Variants in DOCK11 observed in about 807,000 individuals in gnomAD.
DOCK11 encodes the protein dedicator of cytokinesis 11.
A neutral mutation model predicts 169.1 loss-of-function variants in DOCK11; 70 were observed. That is an observed-to-expected ratio of 0.41 (90% CI 0.34 to 0.51). The LOEUF (loss-of-function observed/expected upper bound fraction) is 0.51, where lower values mean the gene tolerates loss of function less well. Among genes scored for constraint, DOCK11 ranks in the 20% least tolerant of loss-of-function variants. DOCK11 has a pLI of 0.10. For synonymous variants in DOCK11, 529 were observed against 541.3 expected, an observed-to-expected ratio of 0.98 and a Z score of 0.32; for missense variants, 1,166 against 1,538.8, an observed-to-expected ratio of 0.76 and a Z score of 4.05.
chrX:118,670,452 C>T (rs944516492), intron 45 of DOCK11, among the ~76,000 whole-genome samples: 5 of 111,498 alleles, frequency 4.5e-5, no homozygotes, highest in African/African-American at 6.5e-5. Context: ...CTATCATTCT[C>T]AGTAATTTTA....
In DOCK11 at chrX:118,681,143, T is replaced by G. The variant is rs2016733674; in HGVS notation, c.5757T>G (p.Thr1919=). ...QINLKPIDVA[T]DEIKDKTAEL... is the part of the protein sequence containing the mutation. Reference sequence around the variant, plus strand: ...ATTTAAAACCAATTGATGTTGCCACTGATGAAATAAAAGATAAAACTGCAG... The same window carrying G: ...ATTTAAAACCAATTGATGTTGCCACGGATGAAATAAAAGATAAAACTGCAG... Residue 1919 remains threonine (T), a synonymous_variant, in exon 50 of 53, where the codon ACT becomes ACG. Transcript: ENST00000276202. 5 of 1,207,492 alleles carry G rather than the reference T, an allele frequency of 4.1e-6. No individual in the cohort carries two copies. The highest frequency in any genetic ancestry group is 3.5e-5 in the African/African-American group (2 of 57,365).
intron 19 of DOCK11, among the ~76,000 whole-genome samples, chrX:118,592,211 G>A (rs184722773): frequency 9.1e-5 from 10 of 110,399 alleles, no homozygotes; most frequent in African/African-American, 3.3e-4. Flanking sequence ...TCACCTCACC[G>A]ACTTCCACAA....
chrX:118,642,181 C>T (rs1324333305), intron 39 of DOCK11, among the ~76,000 whole-genome samples: 1 of 112,120 alleles, frequency 8.9e-6, no homozygotes, highest in African/African-American at 3.2e-5. Context: ...GCCATTAGAT[C>T]TCATGATGTA....
rs202159723 is a variant in DOCK11, at chrX:118,610,257, C to T, written c.2950-15C>T. ...TTTGGAAGTCTGACTTTTTTCTGTGCCTATTTCATTTCAGCTTCCCCGAGG... is the reference window on the plus strand; with the variant it reads ...TTTGGAAGTCTGACTTTTTTCTGTGTCTATTTCATTTCAGCTTCCCCGAGG... On this transcript the variant is annotated splice_polypyrimidine_tract_variant and intron_variant, in intron 27 of 52. Transcript: ENST00000276202. 395 of 1,207,873 alleles carry T rather than the reference C, an allele frequency of 3.3e-4. 2 individuals are homozygous for T. In the African/African-American group the frequency reaches 5.8e-3, roughly 18 times the overall value.
At chrX:118,502,681 C>A (rs1227251318) in intron 1 of DOCK11, among the ~76,000 whole-genome samples, 1 of 111,570 alleles carries the variant, frequency 9.0e-6, no homozygotes, top group African/African-American at 3.3e-5. Flanking sequence ...TTGTGGAGTT[C>A]TTGGGAATAA....
intron 7 of DOCK11, among the ~76,000 whole-genome samples, chrX:118,564,899 A>G (rs1226647601): frequency 9.1e-6 from 1 of 109,913 alleles, no homozygotes; most frequent in Admixed American, 9.8e-5. Context: ...TGCTGGGATT[A>G]CATGCATAAA....
At chrX:118,648,585 A>G (rs2015864115) in intron 40 of DOCK11, among the ~76,000 whole-genome samples, 1 of 75,074 alleles carries the variant, frequency 1.3e-5, no homozygotes, top group South Asian at 4.1e-4. Flanking sequence ...ATATATAAAT[A>G]TATAATATAT....
intron 44 of DOCK11, among the ~76,000 whole-genome samples, chrX:118,657,876 GC>G (rs2016115796): frequency 2.7e-5 from 3 of 109,941 alleles, no homozygotes; most frequent in Non-Finnish European, 5.7e-5. Context: ...ATTGGGTACT[GC>G]TCGGGTGACA....
intron 49 of DOCK11, 71 bp downstream of exon 49, chrX:118,680,763 C>A: frequency 1.2e-6 from 1 of 866,319 alleles, no homozygotes; most frequent in Non-Finnish European, 1.6e-6. Context: ...TAGCAGCTGG[C>A]CAGCTGGAAC....
intron 16 of DOCK11, among the ~76,000 whole-genome samples, chrX:118,586,460 C>G: frequency 9.0e-6 from 1 of 111,057 alleles, no homozygotes. Context: ...CTCATGAGAA[C>G]TCACTCACTA....
chrX:118,572,778 T>A (rs2013321321), intron 11 of DOCK11, among the ~76,000 whole-genome samples: 2 of 112,050 alleles, frequency 1.8e-5, no homozygotes, highest in Admixed American at 1.9e-4. Flanking sequence ...AAAATATGAC[T>A]ATGTTCTCAT....
At chrX:118,616,794 A>G (rs1396594209) in intron 30 of DOCK11, among the ~76,000 whole-genome samples, 2 of 112,202 alleles carry the variant, frequency 1.8e-5, no homozygotes, top group Non-Finnish European at 3.8e-5. Flanking sequence ...CAATGCAGGA[A>G]GAAAATAATC....
chrX:118,572,113 C>T (rs1365967976), intron 10 of DOCK11, among the ~76,000 whole-genome samples: 2 of 111,811 alleles, frequency 1.8e-5, no homozygotes, highest in Admixed American at 9.5e-5. Flanking sequence ...CCCTTAGATC[C>T]GAGTTTCATC....
intron 45 of DOCK11, among the ~76,000 whole-genome samples, chrX:118,667,394 T>C (rs1156721352): frequency 9.5e-6 from 1 of 104,850 alleles, no homozygotes; most frequent in African/African-American, 3.5e-5. Flanking sequence ...TGGAATGAAA[T>C]AGAGGTCAAA....
chrX:118,671,244 C>G, intron 46 of DOCK11, 99 bp downstream of exon 46: 1 of 788,277 alleles, frequency 1.3e-6, no homozygotes, highest in Non-Finnish European at 1.8e-6. Context: ...GACTTGTGTC[C>G]TCTGAAGAAT....
chrX:118,619,480 CAAA>C (rs1162244580), intron 31 of DOCK11, among the ~76,000 whole-genome samples: 1 of 51,450 alleles, frequency 1.9e-5, no homozygotes. Flanking sequence ...AACTCTGTCT[CAAA>C]AAAAAAAAAA....
At chrX:118,616,727 TAGTC>T (rs759343005) in intron 30 of DOCK11, among the ~76,000 whole-genome samples, 113 of 111,355 alleles carry the variant, frequency 1.0e-3, no homozygotes, top group South Asian at 2.3e-3. Context: ...CCACCTTTGT[TAGTC>T]AGTCCTGGCC....
At chrX:118,553,337 G>A (rs2012569106) in intron 6 of DOCK11, among the ~76,000 whole-genome samples, 1 of 111,966 alleles carries the variant, frequency 8.9e-6, no homozygotes, top group South Asian at 3.7e-4. Flanking sequence ...GATATATGGA[G>A]GAATTTAATC....
At chrX:118,607,423 T>TATTTTTA (rs1238525536) in intron 24 of DOCK11, among the ~76,000 whole-genome samples, 31 of 85,237 alleles carry the variant, frequency 3.6e-4, no homozygotes, top group African/African-American at 1.2e-3. Context: ...CCTTCATTTT[T>TATTTTTA]TTTTTTTTTT....
Sources: gnomAD v4.1 joint callset for allele counts (sites outside exome capture counted in the v4.1 genomes callset) on GRCh38, gnomAD v4.1.1 for gene constraint, MANE v1.5 for transcripts, NCBI Gene and HGNC (gene_info 2026-07-23, HGNC 2026-07-21) for gene names.